RGS21: variants seen among roughly 807,000 people sequenced by gnomAD.
RGS21 encodes regulator of G protein signaling 21, also known as regulator of G-protein signalling 21.
RGS21 carries 19 observed loss-of-function variants against 18.7 expected under a neutral mutation model. The observed-to-expected ratio is 1.01, with a 90% confidence interval of 0.71 to 1.49. The LOEUF (loss-of-function observed/expected upper bound fraction) is 1.49. RGS21 is among the 40% of genes most tolerant of loss of function. The pLI is 0.00. For synonymous variants in RGS21, 56 were observed against 57.8 expected (o/e 0.97, Z 0.14); for missense variants, 194 against 176.8 (o/e 1.10, Z -0.55).
chr1:192,344,621 GA>G (rs1658921479), intron 2 of RGS21, among the ~76,000 whole-genome samples: 4 of 152,002 alleles, frequency 2.6e-5, no homozygotes, highest in Admixed American at 2.6e-4. Context: ...AGAATTACAA[GA>G]AACTCCAAAA....
At chr1:192,331,501 C>A (rs549881837) in intron 1 of RGS21, among the ~76,000 whole-genome samples, 14 of 151,782 alleles carry the variant, frequency 9.2e-5, no homozygotes, top group Non-Finnish European at 2.1e-4. Flanking sequence ...GAGCCCAGAT[C>A]GTGCCACTGC....
Position 192,347,323 on chromosome 1 carries a change from T to C in RGS21, c.22T>C (p.Tyr8His), listed in dbSNP as rs1172581524. The C allele has an allele frequency of 1.9e-6, 3 of 1,601,322 alleles. No homozygotes were observed. The highest frequency in any genetic ancestry group is 2.6e-6 in the Non-Finnish European group (3 of 1,169,494). Residue 8 changes from tyrosine (Y) to histidine (H), a missense_variant, in exon 3 of 5, where the codon TAC becomes CAC. By Grantham distance (83) the Tyr-to-His change is moderately conservative. Transcript: ENST00000417209. The stretch of plus-strand genomic sequence containing the variant: ...TATTGTCAAGGTTAGATGCTGTTTC[T>C]ACAGGTCACCAACTGCGGAAACAAT... MPVKCCFYRSPTAETMTW... is the reference protein window; with the variant it reads MPVKCCFHRSPTAETMTW...
chr1:192,366,489 T>G lies in RGS21; in HGVS notation c.*365T>G, dbSNP rs1393642139. The G allele has an allele frequency of 6.5e-6, 1 of 153,124 alleles. No homozygotes were observed. Among genetic ancestry groups the G allele is most frequent in the African/African-American group, 2.4e-5 (1 of 41,486 alleles). The allele number at this position is 153,124 out of a possible 1,614,324, so 9.5% of individuals were successfully genotyped here. On this transcript the variant is annotated 3_prime_UTR_variant, in exon 5 of 5. Coordinates refer to ENST00000417209, the MANE Select transcript of RGS21 (RefSeq NM_001039152.3). Reference sequence around the variant, plus strand: ...ACAATTTTAAATACCATTGCTTTATTCAAAAAAATCTCACTTTTGTAAAAA... The same window carrying G: ...ACAATTTTAAATACCATTGCTTTATGCAAAAAAATCTCACTTTTGTAAAAA...
At chr1:192,353,306 C>T (rs1003868536) in intron 4 of RGS21, among the ~76,000 whole-genome samples, 8 of 151,854 alleles carry the variant, frequency 5.3e-5, no homozygotes, top group Non-Finnish European at 1.2e-4. Flanking sequence ...TTAATAGTCA[C>T]GTGAACCACT....
At chr1:192,326,824 C>T (rs1228997790) in intron 1 of RGS21, among the ~76,000 whole-genome samples, 1 of 152,112 alleles carries the variant, frequency 6.6e-6, no homozygotes, top group African/African-American at 2.4e-5. Context: ...ATAAATTGTA[C>T]TAACCACTTG....
Position 192,343,006 on chromosome 1 carries a change from G to C in RGS21, c.-31G>C. Reference sequence around the variant, plus strand: ...AAGATCAGTCAGAAAGAGAAACTCGGCATCATCTGTGACAGACAGTGGAAC... The same window carrying C: ...AAGATCAGTCAGAAAGAGAAACTCGCCATCATCTGTGACAGACAGTGGAAC... On this transcript the variant is annotated 5_prime_UTR_variant, in exon 2 of 5. Coordinates refer to ENST00000417209, the MANE Select transcript of RGS21 (RefSeq NM_001039152.3). 1 of 1,611,314 alleles carries C rather than the reference G, an allele frequency of 6.2e-7. No individual in the cohort carries two copies. Among genetic ancestry groups the C allele is most frequent in the Non-Finnish European group, 8.5e-7 (1 of 1,177,718 alleles).
At chr1:192,347,425 A>G (rs763606911) in intron 3 of RGS21, 36 bp downstream of exon 3, 13 of 948,126 alleles carry the variant, frequency 1.4e-5, no homozygotes, top group Non-Finnish European at 2.0e-5. Flanking sequence ...AAAATACAAT[A>G]ATTAAATATA....
At chr1:192,355,742 A>G (rs1469451242) in intron 4 of RGS21, among the ~76,000 whole-genome samples, 1 of 151,462 alleles carries the variant, frequency 6.6e-6, no homozygotes. Context: ...AGAAAATATT[A>G]CTTAACTTTG....
chr1:192,322,255 C>T (rs1231578249), intron 1 of RGS21, among the ~76,000 whole-genome samples: 7 of 135,812 alleles, frequency 5.2e-5, no homozygotes, highest in Admixed American at 3.5e-4. Flanking sequence ...AATTTTGTGT[C>T]AGCAGAAAAA....
chr1:192,358,762 AC>A (rs1659143906), intron 4 of RGS21, among the ~76,000 whole-genome samples: 1 of 152,148 alleles, frequency 6.6e-6, no homozygotes, highest in Non-Finnish European at 1.5e-5. Context: ...CAACAGGTAC[AC>A]TTTAAAATGT....
chr1:192,323,598 G>A (rs1024203208), intron 1 of RGS21, among the ~76,000 whole-genome samples: 2 of 152,080 alleles, frequency 1.3e-5, no homozygotes. Flanking sequence ...GGGAAAAAAA[G>A]TTATAGAAGG....
At chr1:192,359,782 CTA>C (rs200448667) in intron 4 of RGS21, among the ~76,000 whole-genome samples, 8 of 145,170 alleles carry the variant, frequency 5.5e-5, no homozygotes, top group South Asian at 2.2e-4. Context: ...CTCTCTCTCT[CTA>C]TATATATATA....
At chr1:192,325,241 G>C (rs1356341664) in intron 1 of RGS21, among the ~76,000 whole-genome samples, 2 of 151,972 alleles carry the variant, frequency 1.3e-5, no homozygotes, top group Non-Finnish European at 2.9e-5. Context: ...TTCCGTCTCT[G>C]AATTAATTTG....
At chr1:192,331,544 T>TATAA (rs1557975216) in intron 1 of RGS21, among the ~76,000 whole-genome samples, 1 of 113,654 alleles carries the variant, frequency 8.8e-6, no homozygotes, top group Non-Finnish European at 1.8e-5. Flanking sequence ...AGACTCCGTC[T>TATAA]CTAAATAAAT....
At chr1:192,360,466 G>A (rs1352765769) in intron 4 of RGS21, among the ~76,000 whole-genome samples, 2 of 151,974 alleles carry the variant, frequency 1.3e-5, no homozygotes, top group Admixed American at 6.6e-5. Context: ...TGAAATCTAT[G>A]CACTTCCCTT....
chr1:192,365,131 C>T (rs1273500135), intron 4 of RGS21, among the ~76,000 whole-genome samples: 7 of 147,340 alleles, frequency 4.8e-5, no homozygotes, highest in East Asian at 4.0e-4. Flanking sequence ...AGCAAAAGTG[C>T]GTCTCAAAAA....
At chr1:192,359,295 T>C (rs528385971) in intron 4 of RGS21, among the ~76,000 whole-genome samples, 1 of 152,162 alleles carries the variant, frequency 6.6e-6, no homozygotes, top group South Asian at 2.1e-4. Context: ...ATTGATATAA[T>C]GTTCAGCCCA....
At chr1:192,321,882 T>TA (rs1658502979) in intron 1 of RGS21, among the ~76,000 whole-genome samples, 1 of 151,900 alleles carries the variant, frequency 6.6e-6, no homozygotes, top group Admixed American at 6.6e-5. Context: ...GACTAAAAAA[T>TA]AAAAAACAGC....
At chr1:192,346,467 C>T (rs1285890215) in intron 2 of RGS21, among the ~76,000 whole-genome samples, 1 of 152,058 alleles carries the variant, frequency 6.6e-6, no homozygotes, top group Non-Finnish European at 1.5e-5. Context: ...AAGTCATTTG[C>T]ACATCACAGC....
Sources: allele counts gnomAD v4.1 joint callset (sites outside exome capture counted in the v4.1 genomes callset), GRCh38; gene constraint gnomAD v4.1.1; transcripts MANE v1.5; gene names NCBI Gene and HGNC (gene_info 2026-07-23, HGNC 2026-07-21).